Variants in MAML3 observed in about 807,000 individuals in gnomAD.
MAML3 encodes the protein mastermind-like protein 3.
A neutral mutation model predicts 101.9 loss-of-function variants in MAML3; 27 were observed. That is an observed-to-expected ratio of 0.27 (90% CI 0.20 to 0.37). The LOEUF is 0.37. MAML3 is among the 10% of genes least tolerant of loss of function. The pLI, the probability that MAML3 is intolerant of heterozygous loss-of-function variation, is 1.00. For missense variants in MAML3, 1,316 were observed against 1,444.9 expected (o/e 0.91, Z 1.45); for synonymous variants, 501 against 555.9 (o/e 0.90, Z 1.39).
intron 1 of MAML3, among the ~76,000 whole-genome samples, chr4:139,974,196 C>A (rs1487624281): frequency 6.6e-6 from 1 of 151,628 alleles, no homozygotes; most frequent in Non-Finnish European, 1.5e-5. Context: ...AGCTCCGCCT[C>A]CCGGGTTCAC....
At chr4:140,108,344 T>G (rs1473565607) in intron 1 of MAML3, among the ~76,000 whole-genome samples, 3 of 151,948 alleles carry the variant, frequency 2.0e-5, no homozygotes, top group Admixed American at 6.6e-5. Flanking sequence ...TTATGGCACT[T>G]AAGCTGCACT....
chr4:140,028,552 C>T (rs1056753884), intron 1 of MAML3, among the ~76,000 whole-genome samples: 4 of 152,162 alleles, frequency 2.6e-5, no homozygotes, highest in Non-Finnish European at 4.4e-5. Context: ...CTGGCTAACA[C>T]ATCATCTAAG....
chr4:139,895,609 A>G (rs1732592329), intron 1 of MAML3, among the ~76,000 whole-genome samples: 1 of 152,228 alleles, frequency 6.6e-6, no homozygotes, highest in Non-Finnish European at 1.5e-5. Flanking sequence ...TACAACTGCA[A>G]CTGAGAAGGA....
At chr4:139,923,954 CT>C (rs1733175700) in intron 1 of MAML3, among the ~76,000 whole-genome samples, 1 of 152,178 alleles carries the variant, frequency 6.6e-6, no homozygotes. Flanking sequence ...CTTGCTATAT[CT>C]CCAGACTGTA....
chr4:140,107,654 A>G (rs1382903062), intron 1 of MAML3, among the ~76,000 whole-genome samples: 2 of 151,730 alleles, frequency 1.3e-5, no homozygotes, highest in South Asian at 2.1e-4. Flanking sequence ...ACAGGCGCCC[A>G]CCACCACACA....
chr4:139,954,257 C>T (rs1033222075), intron 1 of MAML3, among the ~76,000 whole-genome samples: 4 of 152,122 alleles, frequency 2.6e-5, no homozygotes, highest in Admixed American at 6.5e-5. Context: ...TGGCTGAACC[C>T]CCTGCAAAAT....
At chr4:140,109,991 T>C (rs1275655053) in intron 1 of MAML3, among the ~76,000 whole-genome samples, 2 of 152,224 alleles carry the variant, frequency 1.3e-5, no homozygotes, top group African/African-American at 4.8e-5. Context: ...ACATGGCTGC[T>C]TTGCAAAAAC....
At chr4:139,807,762 G>T (rs903032875) in intron 2 of MAML3, among the ~76,000 whole-genome samples, 6 of 152,142 alleles carry the variant, frequency 3.9e-5, no homozygotes, top group African/African-American at 1.4e-4. Context: ...AGTTGGGAAA[G>T]AAATAAAGAA....
At chr4:139,922,356 A>G (rs1031551116) in intron 1 of MAML3, among the ~76,000 whole-genome samples, 1 of 152,178 alleles carries the variant, frequency 6.6e-6, no homozygotes, top group African/African-American at 2.4e-5. Context: ...GATCATTACC[A>G]TATCAAAGGC....
At chr4:139,878,340 G>GT (rs1732151628) in intron 2 of MAML3, among the ~76,000 whole-genome samples, 1 of 152,138 alleles carries the variant, frequency 6.6e-6, no homozygotes, top group South Asian at 2.1e-4. Flanking sequence ...GTAAAATTTA[G>GT]TAAGGTAGCA....
intron 1 of MAML3, among the ~76,000 whole-genome samples, chr4:140,092,989 T>C (rs1258571430): frequency 6.6e-6 from 1 of 152,200 alleles, no homozygotes; most frequent in Non-Finnish European, 1.5e-5. Flanking sequence ...TGGCAAGGAT[T>C]CCTGCACTGT....
intron 1 of MAML3, among the ~76,000 whole-genome samples, chr4:139,904,277 G>A (rs1243083855): frequency 2.6e-5 from 4 of 152,174 alleles, no homozygotes; most frequent in Admixed American, 1.3e-4. Context: ...AATTTGGTTC[G>A]AACATGTCTC....
chr4:140,042,271 G>A (rs539959866), intron 1 of MAML3, among the ~76,000 whole-genome samples: 8 of 152,128 alleles, frequency 5.3e-5, no homozygotes, highest in African/African-American at 1.9e-4. Flanking sequence ...AGAGTTTTCT[G>A]TACCACAAAG....
At chr4:140,104,404 A>ATATATATATTATATATTATATAATC in intron 1 of MAML3, among the ~76,000 whole-genome samples, 1 of 79,254 alleles carries the variant, frequency 1.3e-5, no homozygotes, top group East Asian at 2.6e-4. Context: ...ATTATATAAT[A>ATATATATATTATATATTATATAATC]TATAATATAA....
At chr4:139,919,657 A>G (rs1226720983) in intron 1 of MAML3, among the ~76,000 whole-genome samples, 1 of 152,236 alleles carries the variant, frequency 6.6e-6, no homozygotes, top group Admixed American at 6.5e-5. Context: ...CCAAGACTTC[A>G]TGGAATGTGG....
intron 2 of MAML3, among the ~76,000 whole-genome samples, chr4:139,790,254 T>C (rs1466740184): frequency 2.1e-5 from 3 of 142,568 alleles, no homozygotes; most frequent in Non-Finnish European, 4.6e-5. Flanking sequence ...AATAAATATA[T>C]AAAATAAAAT....
In MAML3 at chr4:140,120,031, A is replaced by G. The variant is rs370579734; in HGVS notation, c.468+32829T>C. Among the ~76,000 whole-genome samples the G allele has an allele frequency of 2.9e-4, 44 of 152,076 alleles. 1 individual carries two copies. In the South Asian group the frequency reaches 9.1e-3, roughly 32 times the overall value. ...GGCAGGCGGATCACGAGGTCAGGAG[A>G]TCGAGACCATCCTGGCTAACACGGT... On this transcript the variant is annotated intron_variant, in intron 1 of 4. Transcript: ENST00000509479.
chr4:140,049,415 A>T (rs1210498608), intron 1 of MAML3, among the ~76,000 whole-genome samples: 1 of 152,168 alleles, frequency 6.6e-6, no homozygotes, highest in Non-Finnish European at 1.5e-5. Context: ...ACTTAGCAAC[A>T]GCGAGCAGGA....
At chr4:139,908,906 T>C (rs1341108168) in intron 1 of MAML3, among the ~76,000 whole-genome samples, 1 of 152,266 alleles carries the variant, frequency 6.6e-6, no homozygotes, top group African/African-American at 2.4e-5. Context: ...CTTAACAGAA[T>C]ATGTATACTC....
Sources: allele counts gnomAD v4.1 joint callset (sites outside exome capture counted in the v4.1 genomes callset), GRCh38; gene constraint gnomAD v4.1.1; transcripts MANE v1.5; gene names NCBI Gene and HGNC (gene_info 2026-07-23, HGNC 2026-07-21).